CDH13: variants seen among roughly 807,000 people sequenced by gnomAD.
CDH13 encodes the protein cadherin 13, also known as cadherin-13.
CDH13 carries 24 observed loss-of-function variants against 63.8 expected under a neutral mutation model. The observed-to-expected ratio is 0.38, with a 90% CI of 0.27 to 0.53. CDH13 has a LOEUF of 0.53. Ranked by LOEUF, CDH13 falls within the 20% of genes least tolerant of loss-of-function variation. CDH13 has a pLI of 0.85. For missense variants in CDH13, 1,049 were observed against 903.1 expected, an observed-to-expected ratio of 1.16 and a Z score of -2.07; for synonymous variants, 503 against 355.3, an observed-to-expected ratio of 1.42 and a Z score of -4.67.
At chr16:83,794,401 A>T (rs892609833) in intron 13 of CDH13, among the ~76,000 whole-genome samples, 7 of 151,956 alleles carry the variant, frequency 4.6e-5, no homozygotes, top group Non-Finnish European at 4.4e-5. Context: ...AAAAATGCAA[A>T]AATTAGCCAG....
At chr16:82,937,651 AC>A in intron 2 of CDH13, among the ~76,000 whole-genome samples, 1 of 152,340 alleles carries the variant, frequency 6.6e-6, no homozygotes, top group South Asian at 2.1e-4. Context: ...ACAGAAGGTT[AC>A]CTGTTGATCC....
At chr16:83,704,011 G>A (rs12926452) in intron 10 of CDH13, among the ~76,000 whole-genome samples, 28,959 of 152,120 alleles carry the variant, frequency 0.19, 3,303 homozygotes, top group African/African-American at 0.33. Flanking sequence ...TGCTTTGTAA[G>A]TTCCATAAAG....
chr16:83,724,966 C>T (rs1362322372), intron 10 of CDH13, among the ~76,000 whole-genome samples: 3 of 152,180 alleles, frequency 2.0e-5, no homozygotes, highest in Admixed American at 6.5e-5. Flanking sequence ...GCAAATTAAG[C>T]CCTGATTCAC....
intron 7 of CDH13, among the ~76,000 whole-genome samples, chr16:83,511,318 C>T (rs1294522399): frequency 6.6e-6 from 1 of 152,242 alleles, no homozygotes; most frequent in East Asian, 1.9e-4. Context: ...AAAATTTAGC[C>T]AGGTGTAGTG....
intron 13 of CDH13, among the ~76,000 whole-genome samples, chr16:83,788,286 G>A (rs936076656): frequency 6.6e-6 from 1 of 152,102 alleles, no homozygotes; most frequent in African/African-American, 2.4e-5. Context: ...CAGAGCCGCT[G>A]TGCACCTGCT....
intron 4 of CDH13, among the ~76,000 whole-genome samples, chr16:83,149,071 A>G (rs1480153745): frequency 6.6e-6 from 1 of 152,238 alleles, no homozygotes; most frequent in Non-Finnish European, 1.5e-5. Context: ...GGAACATTTA[A>G]GAAATATGTC....
intron 6 of CDH13, among the ~76,000 whole-genome samples, chr16:83,470,349 C>T (rs2073423114): frequency 6.6e-6 from 1 of 152,176 alleles, no homozygotes; most frequent in African/African-American, 2.4e-5. Context: ...GAGCACTACA[C>T]CCAGCCAATC....
At chr16:83,412,145 G>A (rs1021321714) in intron 6 of CDH13, among the ~76,000 whole-genome samples, 2 of 152,190 alleles carry the variant, frequency 1.3e-5, no homozygotes, top group African/African-American at 4.8e-5. Flanking sequence ...GTGGAATCAT[G>A]TACTTCCTTT....
intron 3 of CDH13, among the ~76,000 whole-genome samples, chr16:83,044,340 ATT>A (rs1917588962): frequency 1.3e-5 from 2 of 152,332 alleles, no homozygotes; most frequent in Admixed American, 1.3e-4. Flanking sequence ...TTTTCAGTAA[ATT>A]TCCTGAAATA....
At chr16:82,684,318 A>G (rs1034635933) in intron 1 of CDH13, among the ~76,000 whole-genome samples, 5 of 152,164 alleles carry the variant, frequency 3.3e-5, no homozygotes, top group Non-Finnish European at 7.4e-5. Context: ...AAGGGCCCCT[A>G]TGAATGTCTC....
At position 82,972,528 on chromosome 16, in the gene CDH13, G is replaced by C. The variant is rs142397225; in HGVS notation, c.158-59482G>C. The stretch of plus-strand genomic sequence containing the variant: ...CTTGGGACCTGGGGAGGTTATTTCA[G>C]CTGTGAGTACCTCACTTCCCTCACA... On this transcript the variant is annotated intron_variant, in intron 2 of 13. Transcript: ENST00000567109. 3.9e-3 allele frequency among the ~76,000 whole-genome samples: 597 copies of C among 152,312 alleles called. 9 individuals are homozygous for C. Among genetic ancestry groups the C allele is most frequent in the African/African-American group, 0.014 (572 of 41,560 alleles).
At chr16:82,766,370 A>G (rs2035053855) in intron 1 of CDH13, among the ~76,000 whole-genome samples, 2 of 152,226 alleles carry the variant, frequency 1.3e-5, no homozygotes, top group Non-Finnish European at 2.9e-5. Context: ...ACTGAAGAAA[A>G]TGGAGGCATG....
intron 1 of CDH13, among the ~76,000 whole-genome samples, chr16:82,795,974 A>G (rs78138642): frequency 0.024 from 3,564 of 146,730 alleles, 151 homozygotes; most frequent in African/African-American, 0.085. Context: ...TTCAACAAAC[A>G]TTTATTGATC....
chr16:83,321,527 T>TTTG (rs1475370673), intron 5 of CDH13, among the ~76,000 whole-genome samples: 1 of 122,096 alleles, frequency 8.2e-6, no homozygotes, highest in Admixed American at 8.0e-5. Context: ...AATCTGGAAT[T>TTTG]TTTTTTTTTT....
intron 2 of CDH13, among the ~76,000 whole-genome samples, chr16:82,925,096 A>G (rs1002724879): frequency 2.4e-4 from 37 of 152,288 alleles, no homozygotes; most frequent in Admixed American, 5.2e-4. Flanking sequence ...GAAATGCCAG[A>G]CTTCATGCTG....
At chr16:82,677,395 G>A (rs1478896116) in intron 1 of CDH13, among the ~76,000 whole-genome samples, 1 of 137,056 alleles carries the variant, frequency 7.3e-6, no homozygotes, top group Admixed American at 7.4e-5. Context: ...TGTGATTATT[G>A]TATTTTCCCT....
rs1483548545 is a variant in CDH13, at chr16:83,589,151, C to T, written c.961-13303C>T. Among the ~76,000 whole-genome samples, 3 of 152,074 alleles carry T rather than the reference C, an allele frequency of 2.0e-5. No homozygotes were observed. In the East Asian group the frequency reaches 5.8e-4, roughly 29 times the overall value. On this transcript the variant is annotated intron_variant, in intron 7 of 13. Coordinates refer to ENST00000567109, the MANE Select transcript of CDH13 (RefSeq NM_001257.5). ...CTTGCTTTTTCTATCTTCTAAAGGC[C>T]CCTGGAATTCCTTGGCTCATAGCCT... is the stretch of plus-strand genomic sequence containing the variant.
At chr16:82,637,905 C>T (rs1908883929) in intron 1 of CDH13, 1 of 152,164 alleles carries the variant, frequency 6.6e-6, no homozygotes. Context: ...TTAGGGAATT[C>T]AGAGGTAAAC....
At chr16:83,216,478 T>C (rs1427087585) in intron 4 of CDH13, among the ~76,000 whole-genome samples, 2 of 127,086 alleles carry the variant, frequency 1.6e-5, no homozygotes, top group Non-Finnish European at 3.3e-5. Context: ...ATATAACATA[T>C]ATATTTTATT....
Sources: allele counts gnomAD v4.1 joint callset (sites outside exome capture counted in the v4.1 genomes callset), GRCh38; gene constraint gnomAD v4.1.1; transcripts MANE v1.5; gene names NCBI Gene and HGNC (gene_info 2026-07-23, HGNC 2026-07-21).